Variants in RBFOX1 observed in about 807,000 individuals in gnomAD.
RBFOX1 encodes the protein RNA binding protein fox-1 homolog 1.
Under a neutral mutation model 57.7 loss-of-function variants are expected in RBFOX1, and 8 were observed. That is an observed-to-expected ratio of 0.14 (90% CI 0.08 to 0.25). RBFOX1 has a LOEUF of 0.25. Among genes scored for constraint, RBFOX1 ranks in the 10% least tolerant of loss-of-function variants. The pLI is 1.00. For synonymous variants in RBFOX1, 326 were observed against 222.4 expected (o/e 1.47, Z -4.15); for missense variants, 611 against 548.5 (o/e 1.11, Z -1.14).
chr16:7,341,212 C>G (rs774633761), intron 4 of RBFOX1, among the ~76,000 whole-genome samples: 6 of 152,128 alleles, frequency 3.9e-5, no homozygotes, highest in Non-Finnish European at 7.3e-5. Context: ...CTGCTGAGCC[C>G]TAAGAGATGC....
chr16:6,252,011 G>GT (rs1414351860), intron 1 of RBFOX1, among the ~76,000 whole-genome samples: 1 of 151,042 alleles, frequency 6.6e-6, no homozygotes, highest in Non-Finnish European at 1.5e-5. Context: ...CAAACTTAGG[G>GT]TAAAGGAACT....
At chr16:6,602,561 G>A (rs775098475) in intron 2 of RBFOX1, among the ~76,000 whole-genome samples, 89 of 152,132 alleles carry the variant, frequency 5.9e-4, no homozygotes, top group Non-Finnish European at 3.1e-4. Flanking sequence ...CTGCAGGACA[G>A]GGTTGTGTGT....
intron 4 of RBFOX1, among the ~76,000 whole-genome samples, chr16:7,502,482 T>G (rs1050535347): frequency 6.6e-6 from 1 of 152,224 alleles, no homozygotes; most frequent in East Asian, 1.9e-4. Context: ...CACAAAGCCA[T>G]TGGGTTGTTT....
rs146194636 is a variant in RBFOX1, at chr16:7,458,033, C to T, written c.28-60114C>T. ...CTTGGTTGGTATATTCAGCCTTGCT[C>T]AGCTTGGACATCTCCTCTTTAAGGA... On this transcript the variant is annotated intron_variant, in intron 4 of 15. Transcript: ENST00000550418. Among the ~76,000 whole-genome samples the T allele has an allele frequency of 4.2e-3, 645 of 152,250 alleles. 5 individuals are homozygous for T. The highest frequency in any genetic ancestry group is 0.014 in the African/African-American group (600 of 41,552).
intron 4 of RBFOX1, among the ~76,000 whole-genome samples, chr16:7,201,376 A>T (rs903598102): frequency 5.3e-5 from 8 of 152,176 alleles, no homozygotes; most frequent in African/African-American, 1.9e-4. Context: ...GGCTATGTTA[A>T]GAAGTGGGGA....
At chr16:6,672,790 G>C (rs988574361) in intron 3 of RBFOX1, among the ~76,000 whole-genome samples, 1 of 152,202 alleles carries the variant, frequency 6.6e-6, no homozygotes, top group African/African-American at 2.4e-5. Flanking sequence ...AGTTCTGGTA[G>C]AAAGATCGTT....
intron 4 of RBFOX1, among the ~76,000 whole-genome samples, chr16:7,108,860 A>C (rs1166197147): frequency 6.6e-6 from 1 of 152,196 alleles, no homozygotes; most frequent in Admixed American, 6.5e-5. Flanking sequence ...GTCATGATAT[A>C]TATTTATGGT....
chr16:7,480,243 G>C (rs2063612180), intron 4 of RBFOX1, among the ~76,000 whole-genome samples: 1 of 152,194 alleles, frequency 6.6e-6, no homozygotes, highest in East Asian at 1.9e-4. Context: ...GCCTCGGGAA[G>C]CAACTTAGGG....
intron 1 of RBFOX1, among the ~76,000 whole-genome samples, chr16:6,245,779 T>C (rs1287566128): frequency 1.3e-5 from 2 of 152,176 alleles, no homozygotes; most frequent in East Asian, 3.9e-4. Context: ...GAAACAAGAA[T>C]TTAAACCAAG....
chr16:6,793,489 C>A (rs1244048864), intron 3 of RBFOX1, among the ~76,000 whole-genome samples: 1 of 152,066 alleles, frequency 6.6e-6, no homozygotes, highest in African/African-American at 2.4e-5. Flanking sequence ...GTTGGTATTC[C>A]TGAGTGTTTT....
chr16:7,309,874 C>G (rs1312914346), intron 4 of RBFOX1, among the ~76,000 whole-genome samples: 1 of 152,196 alleles, frequency 6.6e-6, no homozygotes, highest in African/African-American at 2.4e-5. Flanking sequence ...GTGTAATTGT[C>G]CCATCTGCAG....
At chr16:7,447,021 C>G (rs895513899) in intron 4 of RBFOX1, among the ~76,000 whole-genome samples, 2 of 151,414 alleles carry the variant, frequency 1.3e-5, no homozygotes, top group African/African-American at 2.4e-5. Flanking sequence ...ACCATGTTAG[C>G]CAGGATGGTC....
At chr16:5,495,876 G>A (rs189085900) in intron 2 of RBFOX1, among the ~76,000 whole-genome samples, 1,767 of 152,238 alleles carry the variant, frequency 0.012, 37 homozygotes, top group African/African-American at 0.041. Flanking sequence ...CTGTAATCCC[G>A]GCACTGTGGG....
intron 4 of RBFOX1, among the ~76,000 whole-genome samples, chr16:7,165,963 C>CACATACAT (rs957367441): frequency 0.22 from 16,636 of 75,808 alleles, 973 homozygotes; most frequent in Middle Eastern, 0.42. Flanking sequence ...CACACACACA[C>CACATACAT]ACATACATAC....
At position 6,824,480 on chromosome 16, in the gene RBFOX1, T is replaced by C. The variant is rs554796497; in HGVS notation, c.-16+169830T>C. On this transcript the variant is annotated intron_variant, in intron 3 of 15. Coordinates refer to ENST00000550418, the MANE Select transcript of RBFOX1 (RefSeq NM_018723.4). ...TATTGCTTTAAATAGAAAATGGTAG[T>C]GGTGTTTTGTAGTAAATTCTATATT... 3.3e-5 allele frequency among the ~76,000 whole-genome samples: 5 copies of C among 152,298 alleles called. No individual in the cohort carries two copies. In the East Asian group the frequency reaches 9.6e-4, roughly 29 times the overall value.
chr16:7,413,801 A>G (rs1474164812), intron 4 of RBFOX1, among the ~76,000 whole-genome samples: 1 of 152,188 alleles, frequency 6.6e-6, no homozygotes, highest in African/African-American at 2.4e-5. Flanking sequence ...GCTGGATCCC[A>G]GGTACCTCTC....
At chr16:7,449,289 C>T (rs1227773735) in intron 4 of RBFOX1, among the ~76,000 whole-genome samples, 1 of 152,072 alleles carries the variant, frequency 6.6e-6, no homozygotes, top group Non-Finnish European at 1.5e-5. Flanking sequence ...AAAATAATGT[C>T]TCATTACAAA....
At chr16:6,508,386 G>A (rs2096166228) in intron 2 of RBFOX1, among the ~76,000 whole-genome samples, 1 of 152,120 alleles carries the variant, frequency 6.6e-6, no homozygotes, top group Non-Finnish European at 1.5e-5. Flanking sequence ...TATAATGTAA[G>A]TAGACTTAAC....
chr16:7,708,171 T>TCC (rs917616436), intron 14 of RBFOX1, among the ~76,000 whole-genome samples: 1 of 151,496 alleles, frequency 6.6e-6, no homozygotes. Context: ...AGACTTTGTC[T>TCC]CCCCCCTCAT....
Sources: allele counts gnomAD v4.1 joint callset (sites outside exome capture counted in the v4.1 genomes callset), GRCh38; gene constraint gnomAD v4.1.1; transcripts MANE v1.5; gene names NCBI Gene and HGNC (gene_info 2026-07-23, HGNC 2026-07-21).